Variants in RPE65 observed in about 807,000 individuals in gnomAD.
RPE65 encodes retinoid isomerohydrolase RPE65.
RPE65 carries 58 observed loss-of-function variants against 68.5 expected under a neutral mutation model. That is an observed-to-expected ratio of 0.85 (90% CI 0.69 to 1.05). The LOEUF (loss-of-function observed/expected upper bound fraction) is 1.05, where lower values mean the gene tolerates loss of function less well. RPE65 is among the 50% of genes least tolerant of loss of function. RPE65 has a pLI of 0.00. For synonymous variants in RPE65, 220 were observed against 222.2 expected (o/e 0.99, Z 0.09); for missense variants, 643 against 629.9 (o/e 1.02, Z -0.22).
Position 68,429,512 on chromosome 1 carries a change from C to G in RPE65, c.*264G>C, listed in dbSNP as rs1171876258. On this transcript the variant is annotated 3_prime_UTR_variant, in exon 14 of 14. Coordinates refer to ENST00000262340, the MANE Select transcript of RPE65 (RefSeq NM_000329.3). ...CATTTAGTAAGTCCACATTCATTTC[C>G]TATTTGATTGCTAAATATTTAAGAG... is the stretch of plus-strand genomic sequence containing the variant. The G allele has an allele frequency of 2.2e-6, 1 of 451,692 alleles. No individual in the cohort carries two copies. The highest frequency in any genetic ancestry group is 3.5e-5 in the Admixed American group (1 of 28,272). The allele number at this position is 451,692 out of a possible 1,614,324, so 28.0% of individuals were successfully genotyped here. A position where few individuals can be genotyped will look rare whatever the true frequency, so the allele number is the denominator to read the frequency against.
intron 10 of RPE65, 21 bp from the exon 11 acceptor site, chr1:68,431,606 A>G (rs1328381637): frequency 1.3e-6 from 2 of 1,586,888 alleles, no homozygotes; most frequent in Admixed American, 3.3e-5. Context: ...AGATAACAGA[A>G]ACCTCAGTGA....
Position 68,438,275 on chromosome 1 carries a change from C to A in RPE65, c.1040G>T (p.Arg347Leu), listed in dbSNP as rs562037932. ...VYNYLYLANL[R>L]ENWEEVKKNA... ...TTTTTTCACCTCTTCCCAGTTCTCA[C>A]GTAAATTGGCTAAATATAAGTAATT... Residue 347 changes from arginine (R) to leucine (L), a missense_variant, in exon 10 of 14, where the codon CGT becomes CTT. Transcript: ENST00000262340. 1.1e-5 allele frequency: 18 copies of A among 1,613,436 alleles called. No homozygotes were observed. The highest frequency in any genetic ancestry group is 1.4e-5 in the Non-Finnish European group (17 of 1,179,796).
chr1:68,439,385 T>C, intron 7 of RPE65, 62 bp from the exon 8 acceptor site: 1 of 1,606,502 alleles, frequency 6.2e-7, no homozygotes, highest in Non-Finnish European at 8.5e-7. Context: ...ACAGACAAAT[T>C]TGTATATATG....
intron 10 of RPE65, among the ~76,000 whole-genome samples, chr1:68,436,747 T>G (rs1454988274): frequency 6.6e-6 from 1 of 152,038 alleles, no homozygotes; most frequent in East Asian, 1.9e-4. Context: ...GGATTACAGG[T>G]GTGAGCCACT....
intron 10 of RPE65, among the ~76,000 whole-genome samples, 190 bp from the exon 11 acceptor site, chr1:68,431,775 C>T (rs1457859138): frequency 6.6e-6 from 1 of 151,952 alleles, no homozygotes; most frequent in Non-Finnish European, 1.5e-5. Flanking sequence ...CAGTCACTGG[C>T]TATGTATCAC....
chr1:68,431,614 T>A, intron 10 of RPE65, 29 bp from the exon 11 acceptor site: 1 of 1,579,084 alleles, frequency 6.3e-7, no homozygotes, highest in Non-Finnish European at 8.7e-7. Flanking sequence ...GAAACCTCAG[T>A]GAGCAGGAAA....
Position 68,444,686 on chromosome 1 carries a change from T to C in RPE65, c.354-14A>G. The C allele has an allele frequency of 1.2e-6, 2 of 1,614,112 alleles. No homozygotes were observed. The highest frequency in any genetic ancestry group is 1.1e-5 in the South Asian group (1 of 91,082). ...TAAGAAAAAAACCTGTAGAAACAAA[T>C]GAATTTTTCAGTCCAGTAATTTTCA... On this transcript the variant is annotated splice_polypyrimidine_tract_variant and intron_variant, in intron 4 of 13. Coordinates refer to ENST00000262340, the MANE Select transcript of RPE65 (RefSeq NM_000329.3).
At chr1:68,440,458 ACT>A (rs1457225121) in intron 6 of RPE65, among the ~76,000 whole-genome samples, 1 of 152,042 alleles carries the variant, frequency 6.6e-6, no homozygotes, top group African/African-American at 2.4e-5. Context: ...TATTTAGTAC[ACT>A]CTCATATATG....
At position 68,444,554 on chromosome 1, in the gene RPE65, C is replaced by T; in HGVS notation, c.472G>A (p.Glu158Lys). 1 of 1,614,132 alleles carries T rather than the reference C, an allele frequency of 6.2e-7. No individual in the cohort carries two copies. The highest frequency in any genetic ancestry group is 1.3e-5 in the African/African-American group (1 of 75,052). The change falls in exon 5 of 14, where the codon GAG becomes AAG. Residue 158 changes from glutamate (E) to lysine (K), a missense_variant. Physicochemically the swap from Glu to Lys is moderately conservative, Grantham distance 56 (BLOSUM62 1). Coordinates refer to ENST00000262340, the MANE Select transcript of RPE65 (RefSeq NM_000329.3). ...ACCTGCTTAATTGTCTCCAAGGTCT[C>T]TGGATTAATCTTTGTAATAAAGTTG... Reference protein sequence around the residue: ...ETNFITKINPETLETIKQVDL... With the variant: ...ETNFITKINPKTLETIKQVDL...
At chr1:68,448,769 G>A (rs1013564842) in intron 1 of RPE65, 63 bp from the exon 2 acceptor site, 1 of 1,433,628 alleles carries the variant, frequency 7.0e-7, no homozygotes, top group African/African-American at 1.4e-5. Context: ...AGAGATAGAG[G>A]CAGAGCTGCA....
rs752184355 is a variant in RPE65, at chr1:68,429,731, A to C, written c.*45T>G. 6.2e-7 allele frequency: 1 copy of C among 1,612,140 alleles called. No homozygotes were observed. Among genetic ancestry groups the C allele is most frequent in the Non-Finnish European group, 8.5e-7 (1 of 1,178,850 alleles). ...GAATTTGATTGCAGACCTGAAGCTG[A>C]TTTTCTCAGTTTTGCTACCAAAAAC... On this transcript the variant is annotated 3_prime_UTR_variant, in exon 14 of 14. Transcript: ENST00000262340.
intron 6 of RPE65, among the ~76,000 whole-genome samples, chr1:68,440,169 G>C (rs1038303631): frequency 2.6e-5 from 4 of 152,154 alleles, no homozygotes; most frequent in African/African-American, 4.8e-5. Flanking sequence ...TTCTCATTCA[G>C]TCTGCCCAGG....
At chr1:68,438,009 T>A (rs1199459964) in intron 10 of RPE65, among the ~76,000 whole-genome samples, 178 bp downstream of exon 10, 1 of 152,220 alleles carries the variant, frequency 6.6e-6, no homozygotes, top group Non-Finnish European at 1.5e-5. Flanking sequence ...TAAGTCACAG[T>A]ACTCTTCTGA....
rs1645971640 is a variant in RPE65 at position 68,449,947 on chromosome 1, G to A, written c.-42C>T. 1 of 1,613,204 alleles carries A rather than the reference G, an allele frequency of 6.2e-7. No homozygotes were observed. The highest frequency in any genetic ancestry group is 8.5e-7 in the Non-Finnish European group (1 of 1,179,216). On this transcript the variant is annotated 5_prime_UTR_variant, in exon 1 of 14. Transcript: ENST00000262340. ...ATCCAGAGTTCTGGCACCAACTGCAGAATGAAGAAGGAAGTTCTCAGCCAG... is the reference window on the plus strand; with the variant it reads ...ATCCAGAGTTCTGGCACCAACTGCAAAATGAAGAAGGAAGTTCTCAGCCAG...
chr1:68,445,296 A>G (rs931540891), intron 3 of RPE65, among the ~76,000 whole-genome samples: 21 of 152,078 alleles, frequency 1.4e-4, no homozygotes, highest in Non-Finnish European at 5.9e-5. Context: ...AATTCCGGAC[A>G]TGGTGTGCTG....
rs570518981 is a variant in RPE65, at chr1:68,431,084, A to G, written c.1431T>C (p.Asp477=). The part of the protein sequence containing the change: ...PSEPIFVSHP[D]ALEEDDGVVL... The stretch of plus-strand genomic sequence containing the variant: ...CATTACCATCATCTTCTTCCAAGGC[A>G]TCTGGGTGAGAAACAAAGATGGGTT... Residue 477 remains aspartate (D), a synonymous_variant, in exon 13 of 14, where the codon GAT becomes GAC. Coordinates refer to ENST00000262340, the MANE Select transcript of RPE65 (RefSeq NM_000329.3). The G allele has an allele frequency of 9.3e-6, 15 of 1,613,746 alleles. No homozygotes were observed. In the African/African-American group the frequency reaches 1.2e-4, roughly 13 times the overall value.
chr1:68,439,685 T>C lies in RPE65; in HGVS notation c.644-43A>G, dbSNP rs767125482. 9.8e-6 allele frequency: 10 copies of C among 1,015,878 alleles called. No homozygotes were observed. In the South Asian group the frequency reaches 1.7e-4, roughly 18 times the overall value. The allele number at this position is 1,015,878 out of a possible 1,614,324, so 62.9% of individuals were successfully genotyped here. On this transcript the variant is annotated intron_variant, in intron 6 of 13. Transcript: ENST00000262340. Reference sequence around the variant, plus strand: ...TAAAAGGCTTTGGAAGAGCCTCTTATTTTTTTTTTAATACAAAGCATTTAG... The same window carrying C: ...TAAAAGGCTTTGGAAGAGCCTCTTACTTTTTTTTTAATACAAAGCATTTAG...
chr1:68,431,217 T>C, intron 12 of RPE65, 41 bp from the exon 13 acceptor site: 1 of 1,601,494 alleles, frequency 6.2e-7, no homozygotes, highest in Admixed American at 1.7e-5. Flanking sequence ...AATCAGTCAA[T>C]ATGCTTTACT....
intron 2 of RPE65, among the ~76,000 whole-genome samples, chr1:68,448,134 A>G (rs1474697827): frequency 6.6e-6 from 1 of 152,220 alleles, no homozygotes; most frequent in Non-Finnish European, 1.5e-5. Context: ...AGGTAAGGGA[A>G]TTGAGGCTCA....
Sources: gnomAD v4.1 joint callset for allele counts (sites outside exome capture counted in the v4.1 genomes callset) on GRCh38, gnomAD v4.1.1 for gene constraint, MANE v1.5 for transcripts, NCBI Gene and HGNC (gene_info 2026-07-23, HGNC 2026-07-21) for gene names.